Variants in COPS2 observed in about 807,000 individuals in gnomAD.
COPS2 encodes COP9 signalosome subunit 2.
In COPS2, 10 loss-of-function variants were observed where a neutral mutation model predicts 66.1. The ratio of observed to expected loss-of-function variants is 0.15; its 90% CI spans 0.09 to 0.26. COPS2 has a LOEUF of 0.26. Among genes scored for constraint, COPS2 ranks in the 10% least tolerant of loss-of-function variants. COPS2 has a pLI of 1.00. For synonymous variants in COPS2, 179 were observed against 171.3 expected, an observed-to-expected ratio of 1.04 and a Z score of -0.35; for missense variants, 215 against 513.3, an observed-to-expected ratio of 0.42 and a Z score of 5.62.
At chr15:49,150,228 A>G (rs1484954009) in intron 1 of COPS2, among the ~76,000 whole-genome samples, 3 of 150,734 alleles carry the variant, frequency 2.0e-5, no homozygotes, top group Non-Finnish European at 3.0e-5. Flanking sequence ...AGCCTGGGCA[A>G]CAGAGTAAGA....
intron 9 of COPS2, among the ~76,000 whole-genome samples, chr15:49,132,351 A>C (rs1303796658): frequency 2.0e-5 from 3 of 151,748 alleles, no homozygotes; most frequent in African/African-American, 4.8e-5. Context: ...CTAAAAAAAA[A>C]CGCTTTTTTT....
chr15:49,130,589 A>C, intron 10 of COPS2, 130 bp downstream of exon 10: 3 of 475,618 alleles, frequency 6.3e-6, no homozygotes, highest in Non-Finnish European at 1.1e-5. Flanking sequence ...CAATGACAGC[A>C]TTTAGAAACA....
intron 6 of COPS2, among the ~76,000 whole-genome samples, chr15:49,136,913 C>T (rs867159162): frequency 6.6e-6 from 1 of 151,702 alleles, no homozygotes; most frequent in Non-Finnish European, 1.5e-5. Flanking sequence ...TGCTTCAGCC[C>T]AGGAGGTAAA....
At position 49,137,242 on chromosome 15, in the gene COPS2, A is replaced by G; in HGVS notation, c.463-15T>C. ...AATTTTCCAAGCTGCAAGAAAGCAA[A>G]TTTATTAAAATCAAGATTTCAACAG... is the stretch of plus-strand genomic sequence containing the variant. On this transcript the variant is annotated splice_polypyrimidine_tract_variant and intron_variant, in intron 5 of 12. Coordinates refer to ENST00000388901, the MANE Select transcript of COPS2 (RefSeq NM_004236.4). 1 of 1,577,724 alleles carries G rather than the reference A, an allele frequency of 6.3e-7. No homozygotes were observed. The highest frequency in any genetic ancestry group is 8.6e-7 in the Non-Finnish European group (1 of 1,161,464).
intron 1 of COPS2, among the ~76,000 whole-genome samples, chr15:49,153,837 G>C (rs952528791): frequency 7.9e-5 from 12 of 152,118 alleles, no homozygotes; most frequent in Non-Finnish European, 1.8e-4. Flanking sequence ...AAAAGAAGTT[G>C]ATTTCACGGT....
chr15:49,135,590 A>G (rs1204188673), intron 6 of COPS2, among the ~76,000 whole-genome samples: 1 of 152,198 alleles, frequency 6.6e-6, no homozygotes, highest in East Asian at 1.9e-4. Flanking sequence ...GCATGACTTT[A>G]AAGTTGACCA....
intron 12 of COPS2, 124 bp downstream of exon 12, chr15:49,128,578 A>G (rs1177048324): frequency 1.6e-6 from 1 of 630,800 alleles, no homozygotes. Context: ...TATCTCTTCT[A>G]ATAGAAAACC....
At chr15:49,133,696 C>G (rs2084231993) in intron 9 of COPS2, 63 bp downstream of exon 9, 1 of 1,157,874 alleles carries the variant, frequency 8.6e-7, no homozygotes, top group Non-Finnish European at 1.2e-6. Flanking sequence ...GAAAAGTTTT[C>G]TCACTCTTTC....
intron 6 of COPS2, among the ~76,000 whole-genome samples, chr15:49,136,566 T>C (rs2084253286): frequency 6.6e-6 from 1 of 152,196 alleles, no homozygotes; most frequent in Non-Finnish European, 1.5e-5. Flanking sequence ...AATATAAAAA[T>C]ATCTTTATTA....
At position 49,123,817 on chromosome 15, in the gene COPS2, G is replaced by A. The variant is rs977285921; in HGVS notation, c.*4133C>T. On this transcript the variant is annotated 3_prime_UTR_variant, in exon 13 of 13. Coordinates refer to ENST00000388901, the MANE Select transcript of COPS2 (RefSeq NM_004236.4). ...TAAAATTTTAGAGAACCACACACTG[G>A]TTTCTTCTGAGACATTACCTAAGAC... The A allele has an allele frequency of 6.0e-4, 91 of 152,184 alleles. No individual in the cohort carries two copies. Among genetic ancestry groups the A allele is most frequent in the African/African-American group, 2.1e-3 (87 of 41,504 alleles). 9.4% of individuals were successfully genotyped at this position (152,184 alleles called of 1,614,324 possible).
rs917347198 is a variant in COPS2, at chr15:49,126,958, T to C, written c.*992A>G. ...AGTAAACTCAGCAGGTTTTGGGCAA[T>C]GGTAGATTGCTGGCATTAGGAAATA... On this transcript the variant is annotated 3_prime_UTR_variant, in exon 13 of 13. Transcript: ENST00000388901. The C allele has an allele frequency of 3.3e-5, 5 of 152,170 alleles. No homozygotes were observed. The highest frequency in any genetic ancestry group is 1.2e-4 in the African/African-American group (5 of 41,460). The allele number at this position is 152,170 out of a possible 1,614,324, so 9.4% of individuals were successfully genotyped here.
At chr15:49,128,801 A>C in intron 11 of COPS2, 41 bp from the exon 12 acceptor site, 1 of 1,289,984 alleles carries the variant, frequency 7.8e-7, no homozygotes, top group African/African-American at 1.5e-5. Flanking sequence ...AACATTTTAA[A>C]GACTTCATAA....
In COPS2 at chr15:49,135,966, C is replaced by A. The variant is rs902381406; in HGVS notation, c.540+1184G>T. ...CACCATTCAGAGATGGCTGTTCCAG[C>A]ATTTCCATTTCATAGGGAACTGAAC... On this transcript the variant is annotated intron_variant, in intron 6 of 12. Transcript: ENST00000388901. 5.9e-5 allele frequency among the ~76,000 whole-genome samples: 9 copies of A among 152,288 alleles called. 1 individual carries two copies. Among genetic ancestry groups the A allele is most frequent in the African/African-American group, 2.2e-4 (9 of 41,568 alleles).
In COPS2 at chr15:49,124,076, C is replaced by T. The variant is rs1244418569; in HGVS notation, c.*3874G>A. 2 of 152,156 alleles carry T rather than the reference C, an allele frequency of 1.3e-5. No individual in the cohort carries two copies. The highest frequency in any genetic ancestry group is 2.9e-5 in the Non-Finnish European group (2 of 68,020). The allele number at this position is 152,156 out of a possible 1,614,324, so 9.4% of individuals were successfully genotyped here. On this transcript the variant is annotated 3_prime_UTR_variant, in exon 13 of 13. Coordinates refer to ENST00000388901, the MANE Select transcript of COPS2 (RefSeq NM_004236.4). ...TTACGAAATTTCTGCCAAATTCCTGCTTAAAACTGTATCAGGCTGGGCGTG... is the reference window on the plus strand; with the variant it reads ...TTACGAAATTTCTGCCAAATTCCTGTTTAAAACTGTATCAGGCTGGGCGTG...
At chr15:49,155,419 G>A in intron 1 of COPS2, 106 bp downstream of exon 1, 1 of 997,702 alleles carries the variant, frequency 1.0e-6, no homozygotes, top group Non-Finnish European at 1.6e-6. Context: ...ACTGAGAGAG[G>A]CTGTAAACGG....
At chr15:49,148,374 ACTT>A (rs1343469672) in intron 1 of COPS2, among the ~76,000 whole-genome samples, 1 of 152,194 alleles carries the variant, frequency 6.6e-6, no homozygotes, top group Non-Finnish European at 1.5e-5. Context: ...GTAATCAACT[ACTT>A]CTGAGTTAGA....
Position 49,145,097 on chromosome 15 carries a change from A to G in COPS2, c.55-19T>C, listed in dbSNP as rs1386393821. On this transcript the variant is annotated intron_variant, in intron 1 of 12. Transcript: ENST00000388901. ...AGTATTCCTGTGTTGGAAAGAAAGA[A>G]ATATTAAAAGAAAAAAAGAAAAGAA... 2 of 1,326,034 alleles carry G rather than the reference A, an allele frequency of 1.5e-6. No individual in the cohort carries two copies. Among genetic ancestry groups the G allele is most frequent in the Non-Finnish European group, 2.1e-6 (2 of 959,906 alleles). 82.1% of individuals were successfully genotyped at this position (1,326,034 alleles called of 1,614,324 possible). A position where few individuals can be genotyped will look rare whatever the true frequency, so the allele number is the denominator to read the frequency against.
intron 1 of COPS2, 97 bp downstream of exon 1, chr15:49,155,428 G>C (rs2084419302): frequency 3.6e-6 from 4 of 1,107,794 alleles, no homozygotes; most frequent in South Asian, 1.3e-5. Context: ...GGCTGTAAAC[G>C]GCACATGCTC....
chr15:49,130,914 A>C, intron 9 of COPS2, 98 bp from the exon 10 acceptor site: 1 of 540,034 alleles, frequency 1.9e-6, no homozygotes, highest in East Asian at 3.0e-5. Context: ...TCATATGCAA[A>C]AATCTAAATA....
Sources: gnomAD v4.1 joint callset for allele counts (sites outside exome capture counted in the v4.1 genomes callset) on GRCh38, gnomAD v4.1.1 for gene constraint, MANE v1.5 for transcripts, NCBI Gene and HGNC (gene_info 2026-07-23, HGNC 2026-07-21) for gene names.